The following DCP1A variants were observed in gnomAD, a reference collection of about 807,000 sequenced individuals.
DCP1A encodes decapping mRNA 1A, also known as mRNA-decapping enzyme 1A.
Under a neutral mutation model 58.0 loss-of-function variants are expected in DCP1A, and 20 were observed. That is an observed-to-expected ratio of 0.34 (90% CI 0.24 to 0.50). The LOEUF (loss-of-function observed/expected upper bound fraction) is 0.50. Among genes scored for constraint, DCP1A ranks in the 20% least tolerant of loss-of-function variants. The pLI is 0.98. For missense variants in DCP1A, 613 were observed against 712.2 expected, an observed-to-expected ratio of 0.86 and a Z score of 1.59; for synonymous variants, 285 against 275.1, an observed-to-expected ratio of 1.04 and a Z score of -0.36.
At chr3:53,294,415 C>G (rs1265445072) in intron 6 of DCP1A, among the ~76,000 whole-genome samples, 1 of 151,952 alleles carries the variant, frequency 6.6e-6, no homozygotes, top group Non-Finnish European at 1.5e-5. Context: ...ACTGCCTGGG[C>G]AGGCCAGCCC....
At position 53,288,268 on chromosome 3, in the gene DCP1A, G is replaced by A. The variant is rs781830896; in HGVS notation, c.1465C>T (p.Leu489=). Residue 489 remains leucine, a synonymous_variant, in exon 9 of 10, where the codon CTG becomes TTG. Transcript: ENST00000610213. ...ACTGCAGTGGTCGTTGCAGTAACCA[G>A]TGGGGCGCCTGCAACCTGGAGAGTG... ...SSAIPVAGAP[L]VTATTTAVSS... is the part of the protein sequence containing the mutation. 1.2e-6 allele frequency: 2 copies of A among 1,611,032 alleles called. No homozygotes were observed. The highest frequency in any genetic ancestry group is 2.2e-5 in the South Asian group (2 of 90,796).
intron 3 of DCP1A, chr3:53,329,349 T>G (rs1708196923): frequency 2.5e-6 from 1 of 398,424 alleles, no homozygotes; most frequent in Non-Finnish European, 4.4e-6. Flanking sequence ...CTAATTTTCA[T>G]TAAAAGCACT....
At chr3:53,295,436 G>A (rs541288395) in intron 6 of DCP1A, among the ~76,000 whole-genome samples, 1 of 152,042 alleles carries the variant, frequency 6.6e-6, no homozygotes, top group Non-Finnish European at 1.5e-5. Context: ...AAATACTAAA[G>A]ATCTTATATG....
chr3:53,325,239 C>T (rs1005902608), intron 3 of DCP1A, among the ~76,000 whole-genome samples: 6 of 152,150 alleles, frequency 3.9e-5, no homozygotes, highest in Non-Finnish European at 7.3e-5. Context: ...TTGGTATCTT[C>T]GTAAAATCCC....
chr3:53,303,110 T>C (rs782024146), intron 6 of DCP1A, among the ~76,000 whole-genome samples: 3 of 151,726 alleles, frequency 2.0e-5, no homozygotes, highest in Non-Finnish European at 4.4e-5. Context: ...ACATCACGTC[T>C]GGCTAATTTT....
At chr3:53,298,932 T>G (rs932802955) in intron 6 of DCP1A, among the ~76,000 whole-genome samples, 1 of 152,364 alleles carries the variant, frequency 6.6e-6, no homozygotes, top group South Asian at 2.1e-4. Flanking sequence ...TAATACGCAG[T>G]GCAGTAATGT....
Position 53,292,823 on chromosome 3 carries a change from G to A in DCP1A, c.629C>T (p.Ala210Val), listed in dbSNP as rs782342251. The A allele has an allele frequency of 1.2e-6, 2 of 1,600,766 alleles. No homozygotes were observed. Among genetic ancestry groups the A allele is most frequent in the Non-Finnish European group, 1.7e-6 (2 of 1,177,226 alleles). ...EMPSGSQDKS[A>V]PSGHKHLTVE... ...CGTCAGATGCTTGTGTCCAGATGGA[G>A]CAGACTGAAAAACAAATGAAACCAC... is the stretch of plus-strand genomic sequence containing the variant. Residue 210 changes from alanine to valine, a missense_variant, in exon 7 of 10, where the codon GCT becomes GTT. Physicochemically the swap from Ala to Val is moderately conservative, Grantham distance 64 (BLOSUM62 0). Coordinates refer to ENST00000610213, the MANE Select transcript of DCP1A (RefSeq NM_018403.7).
At position 53,287,675 on chromosome 3, in the gene DCP1A, A is replaced by C. The variant is rs1027720440; in HGVS notation, c.1669-15T>G. 5.0e-6 allele frequency: 8 copies of C among 1,591,508 alleles called. No individual in the cohort carries two copies. Among genetic ancestry groups the C allele is most frequent in the Non-Finnish European group, 6.9e-6 (8 of 1,159,548 alleles). On this transcript the variant is annotated splice_polypyrimidine_tract_variant and intron_variant, in intron 9 of 9. Coordinates refer to ENST00000610213, the MANE Select transcript of DCP1A (RefSeq NM_018403.7). ...CTGGAATCATTCTAGAAGAGATGGT[A>C]AAGGTTAAGGATACGAATGCCACAT...
At chr3:53,344,436 C>T (rs1174775490) in intron 2 of DCP1A, among the ~76,000 whole-genome samples, 3 of 152,158 alleles carry the variant, frequency 2.0e-5, no homozygotes, top group African/African-American at 7.2e-5. Flanking sequence ...TCAAATAAGA[C>T]ACTGTACATA....
intron 7 of DCP1A, 92 bp downstream of exon 7, chr3:53,291,977 C>T: frequency 7.3e-7 from 1 of 1,364,660 alleles, no homozygotes; most frequent in South Asian, 1.5e-5. Flanking sequence ...TAAAAATTGT[C>T]ATGTCATGAC....
chr3:53,310,549 C>T (rs1227176080), intron 5 of DCP1A, among the ~76,000 whole-genome samples: 1 of 152,180 alleles, frequency 6.6e-6, no homozygotes, highest in Non-Finnish European at 1.5e-5. Context: ...ACTGAAAGGG[C>T]TCTACAAACA....
At chr3:53,308,881 A>T (rs1707556909) in intron 5 of DCP1A, among the ~76,000 whole-genome samples, 1 of 152,170 alleles carries the variant, frequency 6.6e-6, no homozygotes, top group Admixed American at 6.5e-5. Context: ...AATTATGGGC[A>T]TGAGTCACTG....
chr3:53,307,096 A>G (rs1707499553), intron 5 of DCP1A, among the ~76,000 whole-genome samples: 1 of 151,832 alleles, frequency 6.6e-6, no homozygotes, highest in Admixed American at 6.6e-5. Flanking sequence ...CTATAGGCAC[A>G]TACCACCACA....
chr3:53,329,092 T>A, intron 3 of DCP1A: 1 of 347,396 alleles, frequency 2.9e-6, no homozygotes. Context: ...ATTTTTGGAT[T>A]GGACAAATTG....
intron 5 of DCP1A, among the ~76,000 whole-genome samples, chr3:53,309,791 G>A (rs1434328282): frequency 6.6e-6 from 1 of 152,210 alleles, no homozygotes; most frequent in Non-Finnish European, 1.5e-5. Flanking sequence ...ATTATTACAA[G>A]TGCTCATTCA....
intron 4 of DCP1A, among the ~76,000 whole-genome samples, chr3:53,314,667 CTTTTTT>C (rs1167830951): frequency 2.3e-5 from 2 of 86,722 alleles, no homozygotes; most frequent in Non-Finnish European, 4.3e-5. Context: ...TTTTCTTTTT[CTTTTTT>C]TTTTTTTTTT....
rs190535796 is a variant in DCP1A at position 53,318,292 on chromosome 3, G to A, written c.371+1115C>T. ...TGCACTCCAGACTGCGTGACAGAGC[G>A]AGACTCTGTCTAAAAAAAACCAAAT... On this transcript the variant is annotated intron_variant, in intron 4 of 9. Transcript: ENST00000610213. Among the ~76,000 whole-genome samples, 50 of 152,094 alleles carry A rather than the reference G, an allele frequency of 3.3e-4. 1 individual carries two copies. In the East Asian group the frequency reaches 8.7e-3, roughly 26 times the overall value.
At position 53,285,370 on chromosome 3, in the gene DCP1A, T is replaced by C. The variant is rs890820041; in HGVS notation, c.*2210A>G. ...GTCATCCAGCTGCAATTATCCAGGC[T>C]TGGCCTGGCTTCTCTAGGGATTCAT... On this transcript the variant is annotated 3_prime_UTR_variant, in exon 10 of 10. Transcript: ENST00000610213. The C allele has an allele frequency of 7.9e-5, 12 of 152,220 alleles. No individual in the cohort carries two copies. Among genetic ancestry groups the C allele is most frequent in the Admixed American group, 4.6e-4 (7 of 15,282 alleles). 9.4% of individuals were successfully genotyped at this position (152,220 alleles called of 1,614,324 possible).
chr3:53,339,673 A>G (rs1032020429), intron 3 of DCP1A, among the ~76,000 whole-genome samples: 18 of 152,194 alleles, frequency 1.2e-4, no homozygotes, highest in Middle Eastern at 3.2e-3. Flanking sequence ...TCATGGTTCA[A>G]TTACATTTGT....
Sources: allele counts gnomAD v4.1 joint callset (sites outside exome capture counted in the v4.1 genomes callset), GRCh38; gene constraint gnomAD v4.1.1; transcripts MANE v1.5; gene names NCBI Gene and HGNC (gene_info 2026-07-23, HGNC 2026-07-21).